EXOC6B: variants seen among roughly 807,000 people sequenced by gnomAD.
EXOC6B encodes exocyst complex component 6B, also known as SEC15 homolog B.
In EXOC6B, 54 loss-of-function variants were observed where a neutral mutation model predicts 113.5. The observed-to-expected ratio is 0.48, with a 90% CI of 0.38 to 0.60. The LOEUF (loss-of-function observed/expected upper bound fraction) is 0.60. Among genes scored for constraint, EXOC6B ranks in the 20% least tolerant of loss-of-function variants. The probability of loss-of-function intolerance (pLI) is 0.00; values close to 1 mark genes in which losing one functional copy is unlikely to be tolerated. For missense variants in EXOC6B, 797 were observed against 977.5 expected (o/e 0.82, Z 2.46); for synonymous variants, 357 against 339.0 (o/e 1.05, Z -0.58).
chr2:72,637,945 C>T (rs981980358), intron 6 of EXOC6B, among the ~76,000 whole-genome samples: 1 of 151,940 alleles, frequency 6.6e-6, no homozygotes, highest in African/African-American at 2.4e-5. Context: ...AACCATGCAT[C>T]TTAACCAGAA....
intron 6 of EXOC6B, among the ~76,000 whole-genome samples, chr2:72,575,981 T>C (rs942133895): frequency 6.6e-6 from 1 of 152,128 alleles, no homozygotes; most frequent in Non-Finnish European, 1.5e-5. Context: ...AAAATATCCA[T>C]TAAATCATCA....
intron 16 of EXOC6B, among the ~76,000 whole-genome samples, chr2:72,481,050 A>G (rs751404308): frequency 6.6e-6 from 1 of 152,106 alleles, no homozygotes; most frequent in Non-Finnish European, 1.5e-5. Context: ...CCCCCATGCT[A>G]TTCTCGTGAT....
At chr2:72,730,633 T>A (rs1352142123) in intron 5 of EXOC6B, among the ~76,000 whole-genome samples, 1 of 149,806 alleles carries the variant, frequency 6.7e-6, no homozygotes, top group Non-Finnish European at 1.5e-5. Context: ...CTATTGGTTC[T>A]GTTTTTCTTA....
chr2:72,290,368 G>A (rs550425289), intron 20 of EXOC6B, among the ~76,000 whole-genome samples: 3 of 152,218 alleles, frequency 2.0e-5, no homozygotes, highest in South Asian at 2.1e-4. Flanking sequence ...CATAATAGAT[G>A]ATGTTAAAGG....
intron 5 of EXOC6B, among the ~76,000 whole-genome samples, chr2:72,727,147 T>C (rs1158105260): frequency 6.6e-6 from 1 of 152,104 alleles, no homozygotes; most frequent in Non-Finnish European, 1.5e-5. Context: ...CATTACTAAA[T>C]ATAAAACAAC....
intron 20 of EXOC6B, among the ~76,000 whole-genome samples, chr2:72,204,573 A>C (rs1679712371): frequency 1.3e-5 from 2 of 150,770 alleles, no homozygotes; most frequent in Admixed American, 1.3e-4. Flanking sequence ...AAAGCAGGTG[A>C]CCTCCTGTTA....
At chr2:72,626,371 A>C (rs1460330033) in intron 6 of EXOC6B, among the ~76,000 whole-genome samples, 1 of 152,154 alleles carries the variant, frequency 6.6e-6, no homozygotes, top group African/African-American at 2.4e-5. Flanking sequence ...AATCTAAATT[A>C]AGAAATATTT....
intron 19 of EXOC6B, among the ~76,000 whole-genome samples, chr2:72,354,842 G>A (rs564755509): frequency 6.6e-6 from 1 of 152,200 alleles, no homozygotes. Flanking sequence ...GGTCAGATAA[G>A]AGCAAACAAA....
In EXOC6B at chr2:72,488,672, T is replaced by C. The variant is rs148450250; in HGVS notation, c.1665+3646A>G. On this transcript the variant is annotated intron_variant, in intron 16 of 21. Transcript: ENST00000272427. ...TCTTCACTTTTTCTCTTCCTTTATATCCAATCATCAGGAAAGCATGCTGGC... is the reference window on the plus strand; with the variant it reads ...TCTTCACTTTTTCTCTTCCTTTATACCCAATCATCAGGAAAGCATGCTGGC... 2.7e-3 allele frequency among the ~76,000 whole-genome samples: 416 copies of C among 152,228 alleles called. 4 individuals are homozygous for C. Among genetic ancestry groups the C allele is most frequent in the African/African-American group, 8.7e-3 (362 of 41,536 alleles).
chr2:72,240,446 C>T (rs981745000), intron 20 of EXOC6B, among the ~76,000 whole-genome samples: 4 of 152,006 alleles, frequency 2.6e-5, no homozygotes, highest in African/African-American at 9.7e-5. Flanking sequence ...AATAATAAAG[C>T]AACACTAAAA....
At chr2:72,555,264 T>G (rs934675631) in intron 8 of EXOC6B, among the ~76,000 whole-genome samples, 3 of 152,238 alleles carry the variant, frequency 2.0e-5, no homozygotes, top group Non-Finnish European at 4.4e-5. Flanking sequence ...CCTTTGGGTA[T>G]ATACCCAGTA....
At chr2:72,379,551 GT>G (rs1293896810) in intron 19 of EXOC6B, among the ~76,000 whole-genome samples, 177 bp downstream of exon 19, 2 of 152,144 alleles carry the variant, frequency 1.3e-5, no homozygotes, top group South Asian at 2.1e-4. Flanking sequence ...ACTTCTGGGA[GT>G]TCAAATTAGC....
chr2:72,292,641 A>T (rs1425571971), intron 20 of EXOC6B, among the ~76,000 whole-genome samples: 1 of 152,128 alleles, frequency 6.6e-6, no homozygotes, highest in African/African-American at 2.4e-5. Flanking sequence ...GAACTGTTGC[A>T]TCATCATAAA....
At chr2:72,358,620 A>G (rs1690111699) in intron 19 of EXOC6B, among the ~76,000 whole-genome samples, 1 of 152,200 alleles carries the variant, frequency 6.6e-6, no homozygotes, top group African/African-American at 2.4e-5. Context: ...TACTAAATTG[A>G]AGATCCAGGT....
intron 6 of EXOC6B, among the ~76,000 whole-genome samples, chr2:72,590,165 A>G (rs1403113840): frequency 6.6e-6 from 1 of 151,994 alleles, no homozygotes; most frequent in East Asian, 1.9e-4. Flanking sequence ...GAGATGAAGG[A>G]TGGGTGATTC....
intron 1 of EXOC6B, among the ~76,000 whole-genome samples, chr2:72,779,339 G>A (rs1683893158): frequency 1.3e-5 from 2 of 151,368 alleles, no homozygotes; most frequent in Admixed American, 1.3e-4. Flanking sequence ...ATAACTTGCT[G>A]TCCCCATACA....
intron 20 of EXOC6B, among the ~76,000 whole-genome samples, chr2:72,223,073 C>T (rs1487350330): frequency 6.6e-6 from 1 of 152,148 alleles, no homozygotes; most frequent in Non-Finnish European, 1.5e-5. Flanking sequence ...CTGCCTCCAT[C>T]CTATGCCAAA....
chr2:72,575,720 G>C (rs566279527), intron 6 of EXOC6B, 52 bp from the exon 7 acceptor site: 2 of 1,393,254 alleles, frequency 1.4e-6, no homozygotes, highest in Non-Finnish European at 1.9e-6. Context: ...GGGTTAGGGA[G>C]AGAGAAAGAA....
chr2:72,517,804 TG>T (rs1701292024), intron 8 of EXOC6B, among the ~76,000 whole-genome samples: 1 of 152,214 alleles, frequency 6.6e-6, no homozygotes, highest in African/African-American at 2.4e-5. Context: ...TTTAATTTTT[TG>T]TTATAAATGA....
Sources: gnomAD v4.1 joint callset for allele counts (sites outside exome capture counted in the v4.1 genomes callset) on GRCh38, gnomAD v4.1.1 for gene constraint, MANE v1.5 for transcripts, NCBI Gene and HGNC (gene_info 2026-07-23, HGNC 2026-07-21) for gene names.